The following SHANK2 variants were observed in gnomAD, a reference collection of about 807,000 sequenced individuals.
SHANK2 encodes SH3 and multiple ankyrin repeat domains 2, also known as SH3 and multiple ankyrin repeat domains protein 2.
SHANK2 carries 43 observed loss-of-function variants against 133.7 expected under a neutral mutation model. The observed-to-expected ratio is 0.32, with a 90% confidence interval of 0.25 to 0.41. The LOEUF is 0.41. Among genes scored for constraint, SHANK2 ranks in the 10% least tolerant of loss-of-function variants. The pLI, the probability that SHANK2 is intolerant of heterozygous loss-of-function variation, is 1.00. For synonymous variants in SHANK2, 1,017 were observed against 952.8 expected (o/e 1.07, Z -1.24); for missense variants, 1,994 against 2,235.8 (o/e 0.89, Z 2.18).
intron 17 of SHANK2, among the ~76,000 whole-genome samples, chr11:70,520,477 A>G (rs2059316974): frequency 6.6e-6 from 1 of 152,142 alleles, no homozygotes; most frequent in African/African-American, 2.4e-5. Flanking sequence ...CAGGAGGTAA[A>G]GAGCCATTCC....
Position 70,569,918 on chromosome 11 carries a change from C to T in SHANK2, c.2062-66987G>A, listed in dbSNP as rs551153915. On this transcript the variant is annotated intron_variant, in intron 17 of 25. Transcript: ENST00000601538. The surrounding 1 kb of genome is among the most constrained non-coding windows in gnomAD (Gnocchi z 5.1). The stretch of plus-strand genomic sequence containing the variant: ...TACAGAGCAAGACAGAGACACTCAC[C>T]GAGACAGAGACACAGAGACATAGAG... Among the ~76,000 whole-genome samples, 6 of 150,490 alleles carry T rather than the reference C, an allele frequency of 4.0e-5. No individual in the cohort carries two copies. Among genetic ancestry groups the T allele is most frequent in the Admixed American group, 1.3e-4 (2 of 15,138 alleles).
chr11:70,494,813 C>T (rs996401150), intron 21 of SHANK2, among the ~76,000 whole-genome samples: 1 of 152,134 alleles, frequency 6.6e-6, no homozygotes, highest in African/African-American at 2.4e-5. Context: ...AGCCAAATCT[C>T]CCCCCACAGC....
At chr11:70,548,223 G>A (rs1367628817) in intron 17 of SHANK2, among the ~76,000 whole-genome samples, 3 of 152,228 alleles carry the variant, frequency 2.0e-5, no homozygotes, top group African/African-American at 4.8e-5. Context: ...TCAGCGGCCC[G>A]CTGCCTGAAA....
chr11:70,822,466 G>A (rs1464742754), intron 11 of SHANK2, among the ~76,000 whole-genome samples: 17 of 152,118 alleles, frequency 1.1e-4, no homozygotes, highest in Admixed American at 1.1e-3. Context: ...GAGGTCACAG[G>A]GACAAAGATG....
At chr11:70,617,102 T>C (rs2060755179) in intron 17 of SHANK2, among the ~76,000 whole-genome samples, 1 of 151,896 alleles carries the variant, frequency 6.6e-6, no homozygotes. Context: ...TGAGAGTGTG[T>C]ATGTGTGTGA....
intron 2 of SHANK2, among the ~76,000 whole-genome samples, chr11:71,219,194 A>C (rs1309075006): frequency 2.0e-5 from 3 of 152,256 alleles, no homozygotes; most frequent in Admixed American, 2.0e-4. Flanking sequence ...AAGGCCCACA[A>C]AATTTTCTGT....
At chr11:70,931,892 A>AAAAACATCATCCATCTTC (rs1164858863) in intron 10 of SHANK2, among the ~76,000 whole-genome samples, 1 of 152,270 alleles carries the variant, frequency 6.6e-6, no homozygotes, top group Non-Finnish European at 1.5e-5. Context: ...ATAAAGAAAG[A>AAAAACATCATCCATCTTC]AAAACATCAT....
At chr11:70,715,858 G>A (rs1555027124) in intron 14 of SHANK2, among the ~76,000 whole-genome samples, 3 of 152,176 alleles carry the variant, frequency 2.0e-5, no homozygotes, top group Admixed American at 1.3e-4. Flanking sequence ...GGCTGGAGTC[G>A]CCAGTGGGGA....
chr11:70,798,387 G>A (rs1258827157), intron 14 of SHANK2, 56 bp downstream of exon 14: 4 of 712,996 alleles, frequency 5.6e-6, no homozygotes, highest in Middle Eastern at 2.3e-4. Context: ...CACCGACCAC[G>A]GGCCTGAGAT....
intron 15 of SHANK2, among the ~76,000 whole-genome samples, chr11:70,693,505 C>T (rs1945332048): frequency 6.6e-6 from 1 of 152,184 alleles, no homozygotes; most frequent in Non-Finnish European, 1.5e-5. Flanking sequence ...GGCATCCCTA[C>T]ATAAAGCCGG....
At chr11:70,845,198 C>CAAAAAAAAAAAAAAAAAAAAAAAAAAA (rs782471301) in intron 11 of SHANK2, among the ~76,000 whole-genome samples, 1 of 51,694 alleles carries the variant, frequency 1.9e-5, no homozygotes, top group Non-Finnish European at 3.8e-5. Flanking sequence ...GACTCTGTCT[C>CAAAAAAAAAAAAAAAAAAAAAAAAAAA]AAAAAAAAAA....
At chr11:70,716,428 A>G (rs1262405856) in intron 14 of SHANK2, among the ~76,000 whole-genome samples, 2 of 152,206 alleles carry the variant, frequency 1.3e-5, no homozygotes, top group African/African-American at 4.8e-5. Flanking sequence ...TAGGACATCT[A>G]GAAAAAAGAC....
chr11:70,905,520 G>A (rs1383180711), intron 10 of SHANK2, among the ~76,000 whole-genome samples: 1 of 152,218 alleles, frequency 6.6e-6, no homozygotes, highest in African/African-American at 2.4e-5. Flanking sequence ...GAATTCATGT[G>A]TTGAAATGGA....
At chr11:71,184,703 G>C (rs1565501125) in intron 2 of SHANK2, among the ~76,000 whole-genome samples, 2 of 152,196 alleles carry the variant, frequency 1.3e-5, no homozygotes, top group Admixed American at 6.5e-5. Flanking sequence ...CTGCCACTTG[G>C]AACAGTCAGA....
chr11:70,903,105 A>T (rs1555077149), intron 10 of SHANK2, among the ~76,000 whole-genome samples: 4 of 152,134 alleles, frequency 2.6e-5, no homozygotes, highest in Non-Finnish European at 5.9e-5. Flanking sequence ...GGCTGGACTC[A>T]GTGGCTCATG....
chr11:70,695,627 A>G (rs1378871923), intron 15 of SHANK2, among the ~76,000 whole-genome samples: 1 of 152,180 alleles, frequency 6.6e-6, no homozygotes, highest in Admixed American at 6.5e-5. Flanking sequence ...TCTACTGCCC[A>G]CAGATCAGGC....
At chr11:70,803,156 C>T (rs115835699) in intron 13 of SHANK2, among the ~76,000 whole-genome samples, 2,266 of 151,808 alleles carry the variant, frequency 0.015, 62 homozygotes, top group African/African-American at 0.052. Flanking sequence ...GTGGTGAGAG[C>T]GTGGGACAAA....
At chr11:71,077,882 G>A (rs1951242210) in intron 8 of SHANK2, among the ~76,000 whole-genome samples, 1 of 152,072 alleles carries the variant, frequency 6.6e-6, no homozygotes, top group African/African-American at 2.4e-5. Context: ...TGTGGTGTTG[G>A]CTTGGAATGG....
At chr11:70,616,209 C>T (rs531266616) in intron 17 of SHANK2, among the ~76,000 whole-genome samples, 2 of 152,290 alleles carry the variant, frequency 1.3e-5, no homozygotes, top group Non-Finnish European at 2.9e-5. Flanking sequence ...ACTGAACGGA[C>T]CCCACGGCCG....
Sources: gnomAD v4.1 joint callset for allele counts (sites outside exome capture counted in the v4.1 genomes callset) on GRCh38, gnomAD v4.1.1 for gene constraint, Gnocchi (gnomAD v3.1) non-coding constraint, MANE v1.5 for transcripts, NCBI Gene and HGNC (gene_info 2026-07-23, HGNC 2026-07-21) for gene names.